Variants in HELB observed in about 807,000 individuals in gnomAD.
HELB encodes the protein DNA helicase B.
HELB carries 96 observed loss-of-function variants against 101.7 expected under a neutral mutation model. The observed-to-expected ratio is 0.94, with a 90% CI of 0.80 to 1.12. The LOEUF is 1.12. Among genes scored for constraint, HELB ranks in the 50% most tolerant of loss-of-function variants. The probability of loss-of-function intolerance (pLI) is 0.00; values close to 1 mark genes in which losing one functional copy is unlikely to be tolerated. For synonymous variants in HELB, 437 were observed against 459.7 expected (o/e 0.95, Z 0.63); for missense variants, 1,210 against 1,291.9 (o/e 0.94, Z 0.97).
chr12:66,324,006 T>C lies in HELB; in HGVS notation c.2321T>C (p.Phe774Ser). Residue 774 changes from phenylalanine (F) to serine (S), a missense_variant, in exon 10 of 13, where the codon TTT (phenylalanine) becomes TCT (serine). Transcript: ENST00000247815. The stretch of plus-strand genomic sequence containing the variant: ...AGAGACCATCAGAGTAGACTTGTTT[T>C]TGGAATTGGTGATAAAATTTGTTGT... ...LTKDHQSRLV[F>S]GIGDKICCTR... 6.2e-7 allele frequency: 1 copy of C among 1,612,046 alleles called. No individual in the cohort carries two copies. Among genetic ancestry groups the C allele is most frequent in the Non-Finnish European group, 8.5e-7 (1 of 1,178,336 alleles).
In HELB at chr12:66,302,620, C is replaced by G. The variant is rs142161059; in HGVS notation, c.17C>G (p.Pro6Arg). 5 of 1,613,904 alleles carry G rather than the reference C, an allele frequency of 3.1e-6. No homozygotes were observed. The Admixed American group carries it at 8.3e-5, about 27-fold the overall frequency. The change falls in exon 1 of 13, where the codon CCG becomes CGG. Residue 6 changes from proline (P) to arginine (R), a missense_variant. By Grantham distance (103) the Pro-to-Arg change is moderately radical. Coordinates refer to ENST00000247815, the MANE Select transcript of HELB (RefSeq NM_001370285.1). MARSS[P>R]YLRQLQGPLL... The stretch of plus-strand genomic sequence containing the variant: ...AGGAGAAGCATGGCCAGGTCGAGTC[C>G]GTACCTGCGCCAACTTCAGGGACCT...
chr12:66,343,440 T>A (rs777281051), intron 13 of HELB: 9 of 152,122 alleles, frequency 5.9e-5, no homozygotes, highest in Admixed American at 2.0e-4. Context: ...CTGGCTAACT[T>A]TTGTATTTTT....
intron 12 of HELB, among the ~76,000 whole-genome samples, chr12:66,335,371 G>A (rs1399341179): frequency 6.6e-6 from 1 of 152,170 alleles, no homozygotes; most frequent in African/African-American, 2.4e-5. Flanking sequence ...GGCAGAGGAG[G>A]AGGAACTAAA....
chr12:66,307,581 G>A (rs918565521), intron 3 of HELB, among the ~76,000 whole-genome samples: 19 of 151,968 alleles, frequency 1.3e-4, no homozygotes, highest in African/African-American at 3.4e-4. Flanking sequence ...ATGGAGATGC[G>A]ATCAGGCCCT....
intron 12 of HELB, among the ~76,000 whole-genome samples, chr12:66,335,277 G>T (rs1022213461): frequency 6.6e-6 from 1 of 152,162 alleles, no homozygotes; most frequent in Non-Finnish European, 1.5e-5. Flanking sequence ...GCAAGGACTA[G>T]GTGAGTTAAT....
At chr12:66,337,231 T>C (rs2053876656) in intron 12 of HELB, among the ~76,000 whole-genome samples, 1 of 152,162 alleles carries the variant, frequency 6.6e-6, no homozygotes, top group Admixed American at 6.5e-5. Flanking sequence ...TTTCTTCTTT[T>C]TCCCCTCTTG....
chr12:66,317,018 CA>C (rs35841295), intron 6 of HELB, among the ~76,000 whole-genome samples: 43,143 of 81,436 alleles, frequency 0.53, 9,806 homozygotes, highest in Middle Eastern at 0.68. Context: ...GACTCCATCT[CA>C]AAAAAAAAAA....
At chr12:66,336,564 T>C (rs558705003) in intron 12 of HELB, among the ~76,000 whole-genome samples, 2 of 152,254 alleles carry the variant, frequency 1.3e-5, no homozygotes, top group East Asian at 3.9e-4. Flanking sequence ...AAAGTGCTGG[T>C]GTAACCTGCC....
At chr12:66,315,441 G>T in intron 6 of HELB, 58 bp downstream of exon 6, 2 of 1,336,440 alleles carry the variant, frequency 1.5e-6, no homozygotes, top group Non-Finnish European at 2.0e-6. Context: ...TTTAAAAAAT[G>T]GCCTTTGAAT....
intron 10 of HELB, 154 bp downstream of exon 10, chr12:66,324,365 G>T: frequency 1.6e-6 from 1 of 619,204 alleles, no homozygotes; most frequent in Non-Finnish European, 2.8e-6. Context: ...GTTTATGAAG[G>T]ATATGGGTAG....
chr12:66,322,022 T>C lies in HELB; in HGVS notation c.2230T>C (p.Phe744Leu). 9.0e-7 allele frequency: 1 copy of C among 1,110,980 alleles called. No homozygotes were observed. The highest frequency in any genetic ancestry group is 1.3e-6 in the Non-Finnish European group (1 of 757,052). 68.8% of individuals were successfully genotyped at this position (1,110,980 alleles called of 1,614,324 possible). Residue 744 changes from phenylalanine to leucine, a missense_variant, in exon 8 of 13, where the codon TTT becomes CTT. Around this residue, in one of 2 missense-constraint regions of HELB, gnomAD observed 740 missense variants for 728.8 expected, o/e 1.02. Transcript: ENST00000247815. ...QNAKTSQFIA[F>L]RRQDCDLIND... ...TGCAAAAACATCACAATTTATTGCA[T>C]TTAGAAGGTAAAGCATTTATAATAT... is the stretch of plus-strand genomic sequence containing the variant.
rs758025344 is a variant in HELB at position 66,310,222 on chromosome 12, G to A, written c.1294G>A (p.Gly432Ser). The change falls in exon 4 of 13, where the codon GGT (glycine) becomes AGT (serine). Residue 432 changes from glycine to serine, a missense_variant. This residue lies in a region of HELB where 470 missense variants were observed against 563.1 expected (regional missense o/e 0.83). Coordinates refer to ENST00000247815, the MANE Select transcript of HELB (RefSeq NM_001370285.1). ...QDNGDHIWTN[G>S]ENEINAEISE... Reference sequence around the variant, plus strand: ...CAATGGTGACCATATTTGGACTAATGGTGAAAATGAAATTAATGCAGAAAT... The same window carrying A: ...CAATGGTGACCATATTTGGACTAATAGTGAAAATGAAATTAATGCAGAAAT... 6.2e-6 allele frequency: 10 copies of A among 1,613,988 alleles called. No homozygotes were observed. Among genetic ancestry groups the A allele is most frequent in the Admixed American group, 5.0e-5 (3 of 59,996 alleles).
intron 8 of HELB, 95 bp from the exon 9 acceptor site, chr12:66,322,629 G>C (rs940552318): frequency 1.5e-6 from 1 of 683,892 alleles, no homozygotes; most frequent in Non-Finnish European, 2.5e-6. Flanking sequence ...TCTTGGAAAC[G>C]TTTTGTAGAA....
intron 6 of HELB, among the ~76,000 whole-genome samples, chr12:66,316,530 G>A (rs1487306080): frequency 2.0e-5 from 3 of 151,302 alleles, no homozygotes; most frequent in Non-Finnish European, 2.9e-5. Context: ...TAGGCCCCAC[G>A]TAAAATACAC....
intron 3 of HELB, 93 bp downstream of exon 3, chr12:66,306,607 T>A (rs2053479412): frequency 1.3e-6 from 1 of 774,158 alleles, no homozygotes; most frequent in African/African-American, 1.8e-5. Flanking sequence ...GGAAAAAAAT[T>A]TGTGTGGACC....
intron 11 of HELB, 77 bp from the exon 12 acceptor site, chr12:66,331,077 T>C (rs1399045578): frequency 6.7e-7 from 1 of 1,489,794 alleles, no homozygotes; most frequent in Non-Finnish European, 9.0e-7. Flanking sequence ...TTTGAACACT[T>C]GTCTCCTTTC....
Position 66,314,408 on chromosome 12 carries a change from T to C in HELB, c.1858+245T>C, listed in dbSNP as rs553624239. 3.9e-5 allele frequency among the ~76,000 whole-genome samples: 6 copies of C among 152,262 alleles called. No homozygotes were observed. In the South Asian group the frequency reaches 1.2e-3, roughly 32 times the overall value. The stretch of plus-strand genomic sequence containing the variant: ...TTGTTAAGGGCTACTGCTAATCACC[T>C]AAATGATGGCTATTAAAATAGTAAA... On this transcript the variant is annotated intron_variant, in intron 5 of 12. Transcript: ENST00000247815.
intron 3 of HELB, 58 bp downstream of exon 3, chr12:66,306,572 T>G: frequency 7.6e-7 from 1 of 1,322,244 alleles, no homozygotes; most frequent in Non-Finnish European, 1.0e-6. Flanking sequence ...GTTTCAGATT[T>G]GGCAATTTTC....
intron 11 of HELB, among the ~76,000 whole-genome samples, chr12:66,326,450 T>G (rs2053738600): frequency 6.6e-6 from 1 of 151,652 alleles, no homozygotes. Context: ...ACCATGTTGG[T>G]CAGGCTGGTC....
Sources: allele counts gnomAD v4.1 joint callset (sites outside exome capture counted in the v4.1 genomes callset), GRCh38; gene constraint gnomAD v4.1.1; regional missense constraint gnomAD v4.1.1; transcripts MANE v1.5; gene names NCBI Gene and HGNC (gene_info 2026-07-23, HGNC 2026-07-21).